The following NRG1 variants were observed in gnomAD, a reference collection of about 807,000 sequenced individuals.
The protein encoded by NRG1 is pro-neuregulin-1, membrane-bound isoform.
Under a neutral mutation model 63.8 loss-of-function variants are expected in NRG1, and 18 were observed. That is an observed-to-expected ratio of 0.28 (90% confidence interval 0.19 to 0.42). The LOEUF is 0.42. NRG1 is among the 10% of genes least tolerant of loss of function. NRG1 has a pLI of 1.00. For missense variants in NRG1, 762 were observed against 814.7 expected (o/e 0.94, Z 0.79); for synonymous variants, 302 against 301.3 (o/e 1.00, Z -0.02).
intron 1 of NRG1, among the ~76,000 whole-genome samples, chr8:32,138,075 G>A (rs571990731): frequency 6.6e-6 from 1 of 152,168 alleles, no homozygotes; most frequent in East Asian, 1.9e-4. Flanking sequence ...GAGAAGAGAG[G>A]AAGAGTAGAG....
At chr8:32,547,951 C>A (rs1021223842), upstream of NRG1, among the ~76,000 whole-genome samples, 1 of 152,116 alleles carries the variant, frequency 6.6e-6, no homozygotes, top group African/African-American at 2.4e-5. Context: ...CCCTCCCAGG[C>A]GCTGCCTGGC....
intron 1 of NRG1, among the ~76,000 whole-genome samples, chr8:32,005,714 A>G (rs894649347): frequency 2.0e-5 from 3 of 152,008 alleles, no homozygotes. Flanking sequence ...GTGGATGAAC[A>G]GAAACAAAAC....
intron 1 of NRG1, among the ~76,000 whole-genome samples, chr8:32,206,093 G>A (rs1184960296): frequency 6.6e-6 from 1 of 152,106 alleles, no homozygotes; most frequent in African/African-American, 2.4e-5. Context: ...AACAGAATGA[G>A]ACCCTGTCTC....
chr8:32,414,679 T>A (rs7827460), intron 1 of NRG1, among the ~76,000 whole-genome samples: 37,209 of 152,124 alleles, frequency 0.24, 4,945 homozygotes, highest in Middle Eastern at 0.35. Flanking sequence ...AGGAGAGTAG[T>A]GCCAACGTGC....
intron 1 of NRG1, among the ~76,000 whole-genome samples, chr8:31,999,821 G>A (rs1586377658): frequency 6.6e-6 from 1 of 151,792 alleles, no homozygotes; most frequent in East Asian, 1.9e-4. Context: ...GAAAATTAAA[G>A]GCCATACATT....
At chr8:31,859,683 C>G (rs995094538) in intron 1 of NRG1, among the ~76,000 whole-genome samples, 11 of 152,202 alleles carry the variant, frequency 7.2e-5, no homozygotes, top group African/African-American at 2.4e-4. Flanking sequence ...GTTTGATAAT[C>G]TATTGTATGT....
chr8:31,667,351 T>C (rs544927307), intron 1 of NRG1, among the ~76,000 whole-genome samples: 1 of 152,320 alleles, frequency 6.6e-6, no homozygotes, highest in East Asian at 1.9e-4. Flanking sequence ...AGGGTTCATT[T>C]ATCAATTCAT....
intron 1 of NRG1, among the ~76,000 whole-genome samples, chr8:31,974,104 C>T (rs1807763650): frequency 1.3e-5 from 2 of 152,118 alleles, no homozygotes; most frequent in East Asian, 1.9e-4. Flanking sequence ...AAACTTGTCA[C>T]GTTATATGAG....
intron 1 of NRG1, among the ~76,000 whole-genome samples, chr8:31,935,450 G>T (rs1202566845): frequency 1.3e-5 from 2 of 151,272 alleles, no homozygotes; most frequent in Admixed American, 6.6e-5. Flanking sequence ...TAGACACAGG[G>T]TCCCCTTATG....
At chr8:32,582,091 ATTTTG>A (rs1656638449) in intron 1 of NRG1, among the ~76,000 whole-genome samples, 1 of 116,816 alleles carries the variant, frequency 8.6e-6, no homozygotes, top group African/African-American at 3.2e-5. Context: ...ATTTTATTTT[ATTTTG>A]TTTTGTTTTA....
intron 1 of NRG1, among the ~76,000 whole-genome samples, chr8:32,068,817 G>A (rs771629689): frequency 1.1e-4 from 16 of 152,136 alleles, no homozygotes; most frequent in Non-Finnish European, 2.2e-4. Flanking sequence ...GACACCGTTA[G>A]CTACGTAACT....
intron 1 of NRG1, among the ~76,000 whole-genome samples, chr8:31,781,204 A>T (rs1051234262): frequency 6.6e-6 from 1 of 152,174 alleles, no homozygotes; most frequent in Non-Finnish European, 1.5e-5. Flanking sequence ...TTTAAGATAG[A>T]TCTGACATGG....
At chr8:32,043,348 T>A (rs538630693) in intron 1 of NRG1, among the ~76,000 whole-genome samples, 9 of 151,758 alleles carry the variant, frequency 5.9e-5, no homozygotes, top group Non-Finnish European at 1.3e-4. Flanking sequence ...AACAAAAACC[T>A]CCTCAGGAAT....
intron 1 of NRG1, among the ~76,000 whole-genome samples, chr8:31,894,973 G>A (rs890662918): frequency 2.6e-5 from 4 of 152,174 alleles, no homozygotes; most frequent in Admixed American, 6.5e-5. Context: ...TATAACACCA[G>A]AAGGATTTAT....
intron 5 of NRG1, among the ~76,000 whole-genome samples, chr8:32,663,900 C>T (rs1406421483): frequency 6.6e-6 from 1 of 152,124 alleles, no homozygotes; most frequent in Non-Finnish European, 1.5e-5. Flanking sequence ...TGATCAGGTT[C>T]CACTCTTCTT....
At chr8:31,926,764 T>A (rs776390) in intron 1 of NRG1, among the ~76,000 whole-genome samples, 2,549 of 152,114 alleles carry the variant, frequency 0.017, 63 homozygotes, top group African/African-American at 0.058. Flanking sequence ...TTAGAAAAGC[T>A]TAGACTCTGG....
chr8:32,182,978 G>C (rs1178315219), intron 1 of NRG1, among the ~76,000 whole-genome samples: 1 of 152,144 alleles, frequency 6.6e-6, no homozygotes, highest in African/African-American at 2.4e-5. Context: ...ATGAAAAACT[G>C]TGAGGATAAA....
At chr8:32,360,252 A>G (rs1028676611) in intron 1 of NRG1, among the ~76,000 whole-genome samples, 6 of 152,228 alleles carry the variant, frequency 3.9e-5, no homozygotes, top group African/African-American at 1.4e-4. Flanking sequence ...AGAAAAATTC[A>G]AAGACGTTTT....
At chr8:32,732,896 C>T (rs1824088981) in intron 6 of NRG1, among the ~76,000 whole-genome samples, 2 of 148,550 alleles carry the variant, frequency 1.3e-5, no homozygotes, top group South Asian at 2.1e-4. Flanking sequence ...AAACCTCTGC[C>T]TCCCAGGTTC....
Sources: gnomAD v4.1 joint callset for allele counts (sites outside exome capture counted in the v4.1 genomes callset) on GRCh38, gnomAD v4.1.1 for gene constraint, MANE v1.5 for transcripts, NCBI Gene and HGNC (gene_info 2026-07-23, HGNC 2026-07-21) for gene names.